The following FCHSD2 variants were observed in gnomAD, a reference collection of about 807,000 sequenced individuals.
FCHSD2 encodes the protein F-BAR and double SH3 domains protein 2.
Under a neutral mutation model 108.1 loss-of-function variants are expected in FCHSD2, and 38 were observed. The observed-to-expected ratio is 0.35, with a 90% confidence interval of 0.27 to 0.46. The LOEUF is 0.46. Among genes scored for constraint, FCHSD2 ranks in the 20% least tolerant of loss-of-function variants. FCHSD2 has a pLI of 1.00. For synonymous variants in FCHSD2, 279 were observed against 314.7 expected, an observed-to-expected ratio of 0.89 and a Z score of 1.20; for missense variants, 751 against 897.8, an observed-to-expected ratio of 0.84 and a Z score of 2.09.
chr11:73,026,534 T>C (rs1858234005), intron 3 of FCHSD2, among the ~76,000 whole-genome samples: 1 of 152,156 alleles, frequency 6.6e-6, no homozygotes, highest in African/African-American at 2.4e-5. Flanking sequence ...ATGTAGAATA[T>C]ATAAAACAGA....
chr11:73,086,759 C>T (rs1859826393), intron 2 of FCHSD2, among the ~76,000 whole-genome samples: 1 of 152,076 alleles, frequency 6.6e-6, no homozygotes. Context: ...GTATTATAAG[C>T]AACTGTACAC....
chr11:72,927,634 C>A (rs1856101956), intron 8 of FCHSD2, among the ~76,000 whole-genome samples: 1 of 152,128 alleles, frequency 6.6e-6, no homozygotes, highest in African/African-American at 2.4e-5. Context: ...GAAGATGGGC[C>A]CTAAGAGTCT....
Position 73,006,287 on chromosome 11 carries a change from T to C in FCHSD2, c.243-5153A>G, listed in dbSNP as rs118109338. ...GTTCAACATATCCAACTTGGATATT[T>C]AGTAGGCACCTTTACACCTAACATG... On this transcript the variant is annotated intron_variant, in intron 4 of 19. Coordinates refer to ENST00000409418, the MANE Select transcript of FCHSD2 (RefSeq NM_014824.3). 2.8e-3 allele frequency among the ~76,000 whole-genome samples: 432 copies of C among 152,266 alleles called. 13 individuals are homozygous for C. In the East Asian group the frequency reaches 0.073, roughly 26 times the overall value.
chr11:73,058,459 T>C (rs1859082547), intron 3 of FCHSD2, among the ~76,000 whole-genome samples: 1 of 152,194 alleles, frequency 6.6e-6, no homozygotes, highest in Admixed American at 6.5e-5. Context: ...ATTTGAATAC[T>C]ACTAGTATAA....
intron 2 of FCHSD2, among the ~76,000 whole-genome samples, chr11:73,105,988 T>C (rs886530682): frequency 6.6e-6 from 1 of 152,200 alleles, no homozygotes; most frequent in East Asian, 1.9e-4. Flanking sequence ...CAAGCTAATA[T>C]TTGCATCCAA....
intron 2 of FCHSD2, among the ~76,000 whole-genome samples, chr11:73,097,963 T>G (rs970536848): frequency 3.3e-5 from 5 of 152,196 alleles, no homozygotes; most frequent in Admixed American, 3.3e-4. Context: ...GCATAGCCCA[T>G]GGTGCCCAGC....
rs1461086293 is a variant in FCHSD2 at position 72,943,525 on chromosome 11, T to G, written c.706-21575A>C. On this transcript the variant is annotated intron_variant, in intron 8 of 19. Transcript: ENST00000409418. ...ACTTCATATTACCTTGGTTATTTAT[T>G]AATAGCTTTAATGAAAGGGAAGGAA... is the stretch of plus-strand genomic sequence containing the variant. Among the ~76,000 whole-genome samples the G allele has an allele frequency of 2.0e-5, 3 of 152,168 alleles. No homozygotes were observed. The East Asian group carries it at 5.8e-4, about 29-fold the overall frequency.
chr11:73,135,773 G>A (rs185174319), intron 2 of FCHSD2, among the ~76,000 whole-genome samples: 1 of 152,264 alleles, frequency 6.6e-6, no homozygotes, highest in East Asian at 1.9e-4. Flanking sequence ...GCCATTCGCA[G>A]AACAAATGAA....
chr11:73,063,262 C>G (rs1433802364), intron 3 of FCHSD2, among the ~76,000 whole-genome samples: 1 of 152,174 alleles, frequency 6.6e-6, no homozygotes, highest in Non-Finnish European at 1.5e-5. Flanking sequence ...ACCACCAGGC[C>G]TGCCTTTGAA....
At chr11:72,993,672 A>G (rs1857462947) in intron 5 of FCHSD2, among the ~76,000 whole-genome samples, 1 of 146,248 alleles carries the variant, frequency 6.8e-6, no homozygotes, top group South Asian at 2.2e-4. Context: ...AAAACCAAAC[A>G]CCGCATGTTC....
At chr11:72,838,977 T>C in intron 19 of FCHSD2, 103 bp from the exon 20 acceptor site, 1 of 958,406 alleles carries the variant, frequency 1.0e-6, no homozygotes. Context: ...ATGGGCACCC[T>C]AGGGGTCTCA....
At chr11:73,097,633 T>TC (rs1291311199) in intron 2 of FCHSD2, among the ~76,000 whole-genome samples, 33 of 149,122 alleles carry the variant, frequency 2.2e-4, no homozygotes, top group African/African-American at 7.8e-4. Flanking sequence ...TTTTTTTTTT[T>TC]CTAATTACTG....
intron 4 of FCHSD2, among the ~76,000 whole-genome samples, chr11:73,002,615 A>G (rs74388037): frequency 0.024 from 3,614 of 152,294 alleles, 140 homozygotes; most frequent in African/African-American, 0.083. Flanking sequence ...ATGAAAAAGA[A>G]CCATTATAAA....
chr11:73,046,438 A>G (rs1858768541), intron 3 of FCHSD2, among the ~76,000 whole-genome samples: 1 of 152,220 alleles, frequency 6.6e-6, no homozygotes, highest in African/African-American at 2.4e-5. Context: ...TTTTCATAGA[A>G]AGGAAACAAA....
intron 8 of FCHSD2, among the ~76,000 whole-genome samples, chr11:72,944,351 G>T (rs919120000): frequency 1.3e-5 from 2 of 151,842 alleles, no homozygotes; most frequent in South Asian, 2.1e-4. Context: ...ATTCAACAAC[G>T]CTTCATTCTA....
chr11:73,121,305 CA>C (rs1299929208), intron 2 of FCHSD2, among the ~76,000 whole-genome samples: 2 of 152,076 alleles, frequency 1.3e-5, no homozygotes, highest in Non-Finnish European at 2.9e-5. Flanking sequence ...TCTCATATTT[CA>C]AATACTGTTT....
At chr11:72,877,494 T>C (rs1854994153) in intron 12 of FCHSD2, among the ~76,000 whole-genome samples, 1 of 152,194 alleles carries the variant, frequency 6.6e-6, no homozygotes, top group Non-Finnish European at 1.5e-5. Context: ...ATAATTTTTG[T>C]TTTAATATTT....
intron 12 of FCHSD2, among the ~76,000 whole-genome samples, chr11:72,872,286 CTTTTTTTTTTTTT>C (rs59486746): frequency 7.6e-6 from 1 of 132,222 alleles, no homozygotes; most frequent in African/African-American, 2.8e-5. Context: ...TTTTTCTTTT[CTTTTTTTTTTTTT>C]TTTTTAGAAC....
chr11:72,870,230 G>A (rs567455114), intron 12 of FCHSD2, among the ~76,000 whole-genome samples: 161 of 152,072 alleles, frequency 1.1e-3, no homozygotes, highest in Non-Finnish European at 1.6e-3. Flanking sequence ...CTTTTTCTCT[G>A]CTCCTAAAGC....
Sources: allele counts gnomAD v4.1 joint callset (sites outside exome capture counted in the v4.1 genomes callset), GRCh38; gene constraint gnomAD v4.1.1; transcripts MANE v1.5; gene names NCBI Gene and HGNC (gene_info 2026-07-23, HGNC 2026-07-21).